RELN: variants seen among roughly 807,000 people sequenced by gnomAD.
RELN encodes the protein reelin.
Under a neutral mutation model 427.6 loss-of-function variants are expected in RELN, and 108 were observed. The ratio of observed to expected loss-of-function variants is 0.25; its 90% CI spans 0.22 to 0.30. The LOEUF (loss-of-function observed/expected upper bound fraction) is 0.30. Among genes scored for constraint, RELN ranks in the 10% least tolerant of loss-of-function variants. The probability of loss-of-function intolerance (pLI) is 1.00; values close to 1 mark genes in which losing one functional copy is unlikely to be tolerated. For missense variants in RELN, 3,715 were observed against 4,302.8 expected (o/e 0.86, Z 3.82); for synonymous variants, 1,524 against 1,513.4 (o/e 1.01, Z -0.16).
At chr7:103,759,141 A>C (rs1280209382) in intron 4 of RELN, among the ~76,000 whole-genome samples, 10 of 152,262 alleles carry the variant, frequency 6.6e-5, no homozygotes, top group African/African-American at 1.7e-4. Flanking sequence ...TTTTTTAAAA[A>C]ATTCAACTGT....
chr7:103,484,338 T>C (rs2965098), intron 61 of RELN: 77,922 of 182,186 alleles, frequency 0.43, 19,243 homozygotes, highest in African/African-American at 0.71. Context: ...CAGGGGAGCG[T>C]AGCTACTTGT....
rs1277811940 is a variant in RELN at position 103,700,969 on chromosome 7, G to A, written c.843C>T (p.Ser281=). Residue 281 remains serine (S), a synonymous_variant, in exon 9 of 65, where the codon AGC becomes AGT. Coordinates refer to ENST00000428762, the MANE Select transcript of RELN (RefSeq NM_005045.4). The part of the protein sequence containing the change: ...GSCRFSYSDP[S]IIVLYAKNNS... ...TATTCTTGGCATATAACACGATGAT[G>A]CTGGGGTCTGAATAACTAAAGCGAC... 4.3e-6 allele frequency: 7 copies of A among 1,612,178 alleles called. No individual in the cohort carries two copies. Among genetic ancestry groups the A allele is most frequent in the Non-Finnish European group, 5.1e-6 (6 of 1,178,332 alleles).
intron 16 of RELN, among the ~76,000 whole-genome samples, chr7:103,649,501 A>T (rs893388418): frequency 2.0e-5 from 3 of 152,024 alleles, no homozygotes; most frequent in African/African-American, 7.2e-5. Flanking sequence ...AGTTACACTA[A>T]AAGTCCAGAC....
At chr7:103,604,101 C>T (rs530189549) in intron 23 of RELN, among the ~76,000 whole-genome samples, 3 of 152,192 alleles carry the variant, frequency 2.0e-5, no homozygotes, top group Admixed American at 6.5e-5. Context: ...TAAACTCTGA[C>T]GTTGAAGCTC....
intron 53 of RELN, among the ~76,000 whole-genome samples, chr7:103,498,556 A>G (rs1003209264): frequency 2.0e-5 from 3 of 152,108 alleles, no homozygotes; most frequent in Admixed American, 6.5e-5. Context: ...CAGTGGCACA[A>G]TCTCAACTAA....
intron 15 of RELN, 152 bp from the exon 16 acceptor site, chr7:103,650,535 G>A (rs1036018302): frequency 2.8e-6 from 2 of 710,014 alleles, no homozygotes; most frequent in Non-Finnish European, 5.2e-6. Flanking sequence ...GAATTTGTTT[G>A]TATCTTTAAA....
chr7:103,792,936 A>G (rs925198509), intron 3 of RELN, among the ~76,000 whole-genome samples: 1 of 152,170 alleles, frequency 6.6e-6, no homozygotes, highest in Non-Finnish European at 1.5e-5. Context: ...TGATATTATA[A>G]TGGAAAAAAT....
intron 2 of RELN, among the ~76,000 whole-genome samples, chr7:103,872,048 T>C (rs9792002): frequency 2.7e-5 from 3 of 109,266 alleles, no homozygotes; most frequent in Non-Finnish European, 6.3e-5. Context: ...TTTTTCTTTT[T>C]TTTCTTTTTT....
chr7:103,563,948 G>T lies in RELN; in HGVS notation c.5210+1330C>A, dbSNP rs1830691589. Among the ~76,000 whole-genome samples, 1 of 152,146 alleles carries T rather than the reference G, an allele frequency of 6.6e-6. No individual in the cohort carries two copies. Among genetic ancestry groups the T allele is most frequent in the Admixed American group, 6.6e-5 (1 of 15,266 alleles). On this transcript the variant is annotated intron_variant, in intron 34 of 64. Coordinates refer to ENST00000428762, the MANE Select transcript of RELN (RefSeq NM_005045.4). This position sits in a 1 kb window ranked among gnomAD's most constrained non-coding sequence, Gnocchi z 4.1. ...GTGTGTAATAGGCTAAACCATGAAG[G>T]TTTATGTAAGTTCACTCTATGATGT...
chr7:103,574,429 G>GA (rs1355346562), intron 29 of RELN, 130 bp from the exon 30 acceptor site: 5 of 773,308 alleles, frequency 6.5e-6, no homozygotes, highest in Non-Finnish European at 8.9e-6. Context: ...ATGAAAATTT[G>GA]TATCTCACAA....
chr7:103,664,755 C>T (rs561658378), intron 11 of RELN, among the ~76,000 whole-genome samples: 62 of 152,140 alleles, frequency 4.1e-4, no homozygotes, highest in Middle Eastern at 3.4e-3. Context: ...TGTTTATTGG[C>T]CAGTTGGGGT....
intron 2 of RELN, among the ~76,000 whole-genome samples, chr7:103,859,800 T>C (rs1164288284): frequency 3.3e-5 from 5 of 152,152 alleles, no homozygotes; most frequent in African/African-American, 4.8e-5. Flanking sequence ...AGCAAGTTTT[T>C]AAAAATGTGA....
At chr7:103,925,257 C>T (rs1269549529) in intron 1 of RELN, among the ~76,000 whole-genome samples, 3 of 152,064 alleles carry the variant, frequency 2.0e-5, no homozygotes, top group Non-Finnish European at 4.4e-5. Context: ...TATAATTTTA[C>T]AATTCTCTAC....
chr7:103,978,079 G>T (rs894660794), intron 1 of RELN, among the ~76,000 whole-genome samples: 1 of 152,072 alleles, frequency 6.6e-6, no homozygotes, highest in Non-Finnish European at 1.5e-5. Flanking sequence ...ATTAATCAAA[G>T]AAATGAACAT....
At chr7:103,836,826 C>T (rs2116418992) in intron 2 of RELN, among the ~76,000 whole-genome samples, 1 of 152,286 alleles carries the variant, frequency 6.6e-6, no homozygotes, top group African/African-American at 2.4e-5. Flanking sequence ...AGCACTTAGC[C>T]CAAGGCATTT....
In RELN at chr7:103,700,624, T is replaced by A. The variant is rs576211904; in HGVS notation, c.902+286A>T. Reference sequence around the variant, plus strand: ...AGCAATGGGTGGTGATATTATTTTGTGGAGAATGCTATCAAAAAAGCTATG... The same window carrying A: ...AGCAATGGGTGGTGATATTATTTTGAGGAGAATGCTATCAAAAAAGCTATG... On this transcript the variant is annotated intron_variant, in intron 9 of 64. Coordinates refer to ENST00000428762, the MANE Select transcript of RELN (RefSeq NM_005045.4). Among the ~76,000 whole-genome samples, 3 of 152,232 alleles carry A rather than the reference T, an allele frequency of 2.0e-5. No homozygotes were observed. The South Asian group carries it at 6.2e-4, about 32-fold the overall frequency.
At position 103,914,792 on chromosome 7, in the gene RELN, G is replaced by T. The variant is rs186748481; in HGVS notation, c.337+2283C>A. On this transcript the variant is annotated intron_variant, in intron 2 of 64. Coordinates refer to ENST00000428762, the MANE Select transcript of RELN (RefSeq NM_005045.4). ...CTGAACTCTTATCCCCCCACATCTGGCTCCTTCTTGTTGCCGATGCCCGCC... is the reference window on the plus strand; with the variant it reads ...CTGAACTCTTATCCCCCCACATCTGTCTCCTTCTTGTTGCCGATGCCCGCC... 1.1e-3 allele frequency among the ~76,000 whole-genome samples: 165 copies of T among 152,120 alleles called. 1 individual carries two copies. The South Asian group carries it at 0.019, about 17-fold the overall frequency.
In RELN at chr7:103,671,421, C is replaced by T. The variant is rs148033623; in HGVS notation, c.1290-9894G>A. ...TAATAAAGAATATTGGGCTTCAGAA[C>T]GGTTAGAAAGCACCCAGCTTTCTCA... On this transcript the variant is annotated intron_variant, in intron 11 of 64. Coordinates refer to ENST00000428762, the MANE Select transcript of RELN (RefSeq NM_005045.4). 9.3e-3 allele frequency among the ~76,000 whole-genome samples: 1,411 copies of T among 152,106 alleles called. 9 individuals carry two copies. The highest frequency in any genetic ancestry group is 0.011 in the Non-Finnish European group (760 of 67,968).
intron 60 of RELN, among the ~76,000 whole-genome samples, chr7:103,488,670 C>T (rs1828532584): frequency 6.6e-6 from 1 of 152,164 alleles, no homozygotes; most frequent in Non-Finnish European, 1.5e-5. Context: ...TCTGCTCCTC[C>T]TTGGATAAAT....
Sources: allele counts gnomAD v4.1 joint callset (sites outside exome capture counted in the v4.1 genomes callset), GRCh38; gene constraint gnomAD v4.1.1; non-coding constraint Gnocchi (gnomAD v3.1); transcripts MANE v1.5; gene names NCBI Gene and HGNC (gene_info 2026-07-23, HGNC 2026-07-21).